The following HERC1 variants were observed in gnomAD, a reference collection of about 807,000 sequenced individuals.
The protein encoded by HERC1 is HECT and RLD domain containing E3 ubiquitin protein ligase family member 1.
HERC1 carries 160 observed loss-of-function variants against 554.3 expected under a neutral mutation model. The observed-to-expected ratio is 0.29, with a 90% confidence interval of 0.25 to 0.33. The LOEUF is 0.33. HERC1 is among the 10% of genes least tolerant of loss of function. The pLI, the probability that HERC1 is intolerant of heterozygous loss-of-function variation, is 1.00. For synonymous variants in HERC1, 2,175 were observed against 2,131.7 expected (o/e 1.02, Z -0.56); for missense variants, 4,919 against 5,918.5 (o/e 0.83, Z 5.54).
At chr15:63,613,237 C>T (rs1018716685) in intron 76 of HERC1, among the ~76,000 whole-genome samples, 1 of 152,204 alleles carries the variant, frequency 6.6e-6, no homozygotes. Flanking sequence ...CTGATGAGAA[C>T]TGTATATGAG....
rs373069539 is a variant in HERC1, at chr15:63,713,320, T to G, written c.4463+33A>C. On this transcript the variant is annotated intron_variant, in intron 23 of 77. Coordinates refer to ENST00000443617, the MANE Select transcript of HERC1 (RefSeq NM_003922.4). ...GCATAAAGTAATAAAGGGAAGTGAG[T>G]AGGTCATGTTTTCAGTGTCTAGTCA... is the stretch of plus-strand genomic sequence containing the variant. 34 of 1,545,686 alleles carry G rather than the reference T, an allele frequency of 2.2e-5. No individual in the cohort carries two copies. The South Asian group carries it at 3.5e-4, about 16-fold the overall frequency.
intron 25 of HERC1, among the ~76,000 whole-genome samples, chr15:63,704,091 T>A (rs918412474): frequency 1.3e-5 from 2 of 152,030 alleles, no homozygotes; most frequent in Admixed American, 1.3e-4. Context: ...AGGCATCTGG[T>A]CTATACTGAC....
At chr15:63,808,666 C>T (rs934271275) in intron 1 of HERC1, among the ~76,000 whole-genome samples, 1 of 152,168 alleles carries the variant, frequency 6.6e-6, no homozygotes, top group African/African-American at 2.4e-5. Flanking sequence ...GTTCAACAGT[C>T]TGTTACGGTA....
chr15:63,686,603 C>T (rs2071776666), intron 33 of HERC1, 68 bp from the exon 34 acceptor site: 6 of 1,374,798 alleles, frequency 4.4e-6, no homozygotes, highest in South Asian at 2.7e-5. Context: ...TATTCTGAGG[C>T]TCCTTGGTTT....
intron 1 of HERC1, among the ~76,000 whole-genome samples, chr15:63,794,786 A>C (rs1361121161): frequency 6.6e-6 from 1 of 152,034 alleles, no homozygotes; most frequent in Non-Finnish European, 1.5e-5. Flanking sequence ...AAAACACGTA[A>C]AGGGTTCAGT....
intron 2 of HERC1, among the ~76,000 whole-genome samples, chr15:63,772,747 C>T (rs1358896231): frequency 1.3e-5 from 2 of 152,122 alleles, no homozygotes; most frequent in African/African-American, 4.8e-5. Flanking sequence ...CTGGGCAACT[C>T]AAGTGAAGAA....
At chr15:63,659,599 TAA>T in intron 47 of HERC1, 135 bp downstream of exon 47, 1 of 684,996 alleles carries the variant, frequency 1.5e-6, no homozygotes, top group Non-Finnish European at 2.5e-6. Context: ...AACAACTGGC[TAA>T]AGAGACTTGT....
chr15:63,698,094 A>G (rs1480033757), intron 26 of HERC1, among the ~76,000 whole-genome samples: 1 of 152,074 alleles, frequency 6.6e-6, no homozygotes, highest in East Asian at 1.9e-4. Flanking sequence ...GCAGGTGTCT[A>G]ATTTAAACTG....
rs1195167433 is a variant in HERC1 at position 63,742,457 on chromosome 15, T to C, written c.2520+4461A>G. Among the ~76,000 whole-genome samples the C allele has an allele frequency of 2.0e-5, 3 of 152,196 alleles. No homozygotes were observed. In the East Asian group the frequency reaches 5.8e-4, roughly 29 times the overall value. ...AACAGAAATAGTTTTACAACTTCCT[T>C]TTCAATCTACATGAGTTTTATTTCA... On this transcript the variant is annotated intron_variant, in intron 12 of 77. Transcript: ENST00000443617.
At chr15:63,759,206 T>TGA in intron 3 of HERC1, among the ~76,000 whole-genome samples, 1 of 152,166 alleles carries the variant, frequency 6.6e-6, no homozygotes, top group Non-Finnish European at 1.5e-5. Flanking sequence ...TATACCAAAC[T>TGA]GCATTCCAAA....
intron 25 of HERC1, 97 bp downstream of exon 25, chr15:63,706,683 T>C (rs2073021790): frequency 1.5e-6 from 1 of 677,114 alleles, no homozygotes; most frequent in Non-Finnish European, 2.4e-6. Context: ...ACATCAGATA[T>C]AAAAACAGCT....
intron 68 of HERC1, chr15:63,632,214 A>C (rs909781537): frequency 1.2e-5 from 2 of 161,286 alleles, no homozygotes; most frequent in African/African-American, 4.8e-5. Flanking sequence ...CCTCTTCCTC[A>C]CACCTGTCTC....
At chr15:63,704,258 T>C (rs1297035800) in intron 25 of HERC1, among the ~76,000 whole-genome samples, 1 of 152,234 alleles carries the variant, frequency 6.6e-6, no homozygotes, top group Non-Finnish European at 1.5e-5. Context: ...CATGCCTAAG[T>C]AATTCACATT....
intron 12 of HERC1, among the ~76,000 whole-genome samples, chr15:63,737,431 TATATATATATATCTTTTTTCCAG>T (rs2074565016): frequency 7.7e-6 from 1 of 129,124 alleles, no homozygotes; most frequent in East Asian, 2.0e-4. Context: ...TTTCCAGATA[TATATATATATATCTTTTTTCCAG>T]ATATATATAT....
At chr15:63,661,143 G>T (rs2070336718) in intron 45 of HERC1, 118 bp from the exon 46 acceptor site, 2 of 743,500 alleles carry the variant, frequency 2.7e-6, no homozygotes, top group Non-Finnish European at 4.7e-6. Context: ...AAATAAAAAA[G>T]TATGTTTCAT....
At chr15:63,782,160 T>C (rs867747094) in intron 1 of HERC1, among the ~76,000 whole-genome samples, 1 of 152,242 alleles carries the variant, frequency 6.6e-6, no homozygotes, top group Admixed American at 6.5e-5. Context: ...AAAGTAGTTA[T>C]ATTAAACAAC....
Position 63,743,085 on chromosome 15 carries a change from C to T in HERC1, c.2520+3833G>A, listed in dbSNP as rs555049093. Among the ~76,000 whole-genome samples, 217 of 152,094 alleles carry T rather than the reference C, an allele frequency of 1.4e-3. No individual in the cohort carries two copies. In the South Asian group the frequency reaches 0.014, roughly 10 times the overall value. ...CCTTCTTTAAATATTTTGTGGAATT[C>T]ACAAGTGAAGCCATTTGCTCCTGGG... On this transcript the variant is annotated intron_variant, in intron 12 of 77. Transcript: ENST00000443617.
chr15:63,693,815 T>C lies in HERC1; in HGVS notation c.5674+149A>G, dbSNP rs2072257594. The C allele has an allele frequency of 7.5e-6, 6 of 803,820 alleles. No homozygotes were observed. The Admixed American group carries it at 1.5e-4, about 20-fold the overall frequency. The allele number at this position is 803,820 out of a possible 1,614,324, so 49.8% of individuals were successfully genotyped here. ...GTCAGAAGCTCATCTAAATCATATA[T>C]ACGTGAAGAGAAAAGAGGTTTGTAA... On this transcript the variant is annotated intron_variant, in intron 30 of 77. Transcript: ENST00000443617.
At chr15:63,732,468 A>C (rs2074337840) in intron 14 of HERC1, among the ~76,000 whole-genome samples, 1 of 152,192 alleles carries the variant, frequency 6.6e-6, no homozygotes, top group South Asian at 2.1e-4. Flanking sequence ...AACTCAAAGA[A>C]ATGGCAGGAA....
Sources: allele counts gnomAD v4.1 joint callset (sites outside exome capture counted in the v4.1 genomes callset), GRCh38; gene constraint gnomAD v4.1.1; transcripts MANE v1.5; gene names NCBI Gene and HGNC (gene_info 2026-07-23, HGNC 2026-07-21).